RGS20: variants seen among roughly 807,000 people sequenced by gnomAD.
The protein encoded by RGS20 is regulator of G protein signaling 20, also known as gz-selective GTPase-activating protein.
RGS20 carries 30 observed loss-of-function variants against 33.6 expected under a neutral mutation model. The observed-to-expected ratio is 0.89, with a 90% CI of 0.67 to 1.21. The LOEUF (loss-of-function observed/expected upper bound fraction) is 1.21. Among genes scored for constraint, RGS20 ranks in the 50% most tolerant of loss-of-function variants. The pLI is 0.00. For synonymous variants in RGS20, 208 were observed against 197.9 expected (o/e 1.05, Z -0.43); for missense variants, 472 against 502.4 (o/e 0.94, Z 0.58).
At chr8:53,921,213 G>A (rs1015930128) in intron 2 of RGS20, among the ~76,000 whole-genome samples, 4 of 151,936 alleles carry the variant, frequency 2.6e-5, no homozygotes, top group Non-Finnish European at 5.9e-5. Flanking sequence ...GCTAGATTCC[G>A]TTTGCTAGTA....
At chr8:53,891,422 C>T (rs1812706154) in intron 2 of RGS20, among the ~76,000 whole-genome samples, 1 of 152,096 alleles carries the variant, frequency 6.6e-6, no homozygotes, top group Non-Finnish European at 1.5e-5. Flanking sequence ...ATTTCGAGAC[C>T]AGCCTGGCCA....
At chr8:53,891,134 T>C (rs527245115) in intron 2 of RGS20, among the ~76,000 whole-genome samples, 1 of 152,184 alleles carries the variant, frequency 6.6e-6, no homozygotes, top group African/African-American at 2.4e-5. Context: ...AGTCCCTTTA[T>C]GTCCACAGCT....
intron 2 of RGS20, among the ~76,000 whole-genome samples, chr8:53,938,205 T>G (rs1325821507): frequency 1.3e-5 from 2 of 152,154 alleles, no homozygotes; most frequent in Non-Finnish European, 2.9e-5. Context: ...ATGCAGCCAT[T>G]AAACAGGATG....
At chr8:53,865,053 T>C (rs117457526) in intron 1 of RGS20, among the ~76,000 whole-genome samples, 1 of 152,360 alleles carries the variant, frequency 6.6e-6, no homozygotes, top group East Asian at 1.9e-4. Flanking sequence ...GGGCCCCGCA[T>C]GGCCTGAACG....
chr8:53,904,160 T>TC (rs1162601829), intron 2 of RGS20, among the ~76,000 whole-genome samples: 4 of 151,562 alleles, frequency 2.6e-5, no homozygotes, highest in African/African-American at 9.7e-5. Flanking sequence ...TCTCACTCTG[T>TC]CACCCAGGCT....
At chr8:53,889,398 T>TTC (rs200412498) in intron 2 of RGS20, among the ~76,000 whole-genome samples, 3,940 of 124,104 alleles carry the variant, frequency 0.032, 167 homozygotes, top group South Asian at 0.053. Flanking sequence ...CTTTCTTTCT[T>TTC]TCTCTCTCTC....
At chr8:53,926,095 T>G (rs933086302) in intron 2 of RGS20, among the ~76,000 whole-genome samples, 1 of 152,134 alleles carries the variant, frequency 6.6e-6, no homozygotes, top group African/African-American at 2.4e-5. Flanking sequence ...CTGTGGTTCC[T>G]GCTACTTGGG....
intron 2 of RGS20, among the ~76,000 whole-genome samples, chr8:53,909,368 G>C (rs927209485): frequency 1.3e-4 from 20 of 150,828 alleles, no homozygotes; most frequent in Non-Finnish European, 2.8e-4. Context: ...TCCAGCCTCA[G>C]CCTCCCAAAT....
At chr8:53,935,528 A>G (rs1029499368) in intron 2 of RGS20, among the ~76,000 whole-genome samples, 3 of 152,222 alleles carry the variant, frequency 2.0e-5, no homozygotes, top group Non-Finnish European at 4.4e-5. Context: ...ATTCCTGGAC[A>G]CATACACCCT....
In RGS20 at chr8:53,868,039, T is replaced by G. The variant is rs149586455; in HGVS notation, c.166-11219T>G. The stretch of plus-strand genomic sequence containing the variant: ...GCTGGGTCATTCTTTTTATTATTTT[T>G]GTATTATTCAGAGAACTAATCAATT... On this transcript the variant is annotated intron_variant, in intron 1 of 5. Coordinates refer to ENST00000297313, the MANE Select transcript of RGS20 (RefSeq NM_170587.4). 9.5e-3 allele frequency among the ~76,000 whole-genome samples: 1,440 copies of G among 152,282 alleles called. 19 individuals carry two copies. The highest frequency in any genetic ancestry group is 0.032 in the African/African-American group (1,334 of 41,542).
At chr8:53,890,612 G>T (rs555590583) in intron 2 of RGS20, among the ~76,000 whole-genome samples, 63 of 152,296 alleles carry the variant, frequency 4.1e-4, no homozygotes, top group South Asian at 1.9e-3. Flanking sequence ...GCAGGTATTA[G>T]AATGGGTCAG....
intron 5 of RGS20, 125 bp from the exon 5 acceptor site, chr8:53,958,141 AAAAC>A (rs1814927210): frequency 4.5e-6 from 3 of 666,802 alleles, no homozygotes; most frequent in Non-Finnish European, 7.2e-6. Context: ...GTCTCAAAAC[AAAAC>A]AAACAACAAA....
chr8:53,877,379 C>G lies in RGS20; in HGVS notation c.166-1879C>G, dbSNP rs576333386. 0.01 allele frequency among the ~76,000 whole-genome samples: 1,578 copies of G among 152,296 alleles called. 15 individuals carry two copies. Among genetic ancestry groups the G allele is most frequent in the African/African-American group, 0.026 (1,099 of 41,576 alleles). The stretch of plus-strand genomic sequence containing the variant: ...AGACGCGGCCGCCGGCCCGCAGTCC[C>G]CCGCAGGTGCCGCCCAGGACTAGCT... On this transcript the variant is annotated intron_variant, in intron 1 of 5. Coordinates refer to ENST00000297313, the MANE Select transcript of RGS20 (RefSeq NM_170587.4). This position sits in a 1 kb window ranked among gnomAD's most constrained non-coding sequence, Gnocchi z 5.7.
chr8:53,933,800 T>C (rs1047777036), intron 2 of RGS20: 13 of 152,078 alleles, frequency 8.5e-5, no homozygotes, highest in African/African-American at 2.7e-4. Flanking sequence ...CCAAGACTCA[T>C]AATCATCAGA....
intron 2 of RGS20, among the ~76,000 whole-genome samples, chr8:53,938,461 A>G (rs1563418170): frequency 1.3e-5 from 2 of 152,168 alleles, no homozygotes; most frequent in Non-Finnish European, 2.9e-5. Flanking sequence ...GCAGCAAACC[A>G]CTATGGCACG....
At chr8:53,938,889 G>T (rs1814208517) in intron 2 of RGS20, among the ~76,000 whole-genome samples, 1 of 152,188 alleles carries the variant, frequency 6.6e-6, no homozygotes, top group Admixed American at 6.5e-5. Flanking sequence ...GTAGGTGAGG[G>T]TGACCATCCC....
In RGS20 at chr8:53,923,505, G is replaced by A. The variant is rs372780577; in HGVS notation, c.511-16071G>A. 3.3e-5 allele frequency among the ~76,000 whole-genome samples: 5 copies of A among 152,136 alleles called. No individual in the cohort carries two copies. The South Asian group carries it at 6.2e-4, about 19-fold the overall frequency. On this transcript the variant is annotated intron_variant, in intron 2 of 5. Transcript: ENST00000297313. ...AGCTACTTGGGGAGCTGAGGCAGGA[G>A]GATCACTTGAGCCCGGGAGGCAAAG...
intron 2 of RGS20, among the ~76,000 whole-genome samples, chr8:53,893,918 A>G (rs2129278429): frequency 6.6e-6 from 1 of 152,380 alleles, no homozygotes; most frequent in Admixed American, 6.5e-5. Context: ...AACAAATGTC[A>G]TAAACTAAAC....
At chr8:53,864,496 T>C (rs917216589) in intron 1 of RGS20, among the ~76,000 whole-genome samples, 2 of 150,976 alleles carry the variant, frequency 1.3e-5, no homozygotes, top group African/African-American at 4.9e-5. Flanking sequence ...CATCGGTGAG[T>C]CCAGCTTTCC....
Sources: gnomAD v4.1 joint callset for allele counts (sites outside exome capture counted in the v4.1 genomes callset) on GRCh38, gnomAD v4.1.1 for gene constraint, Gnocchi (gnomAD v3.1) non-coding constraint, MANE v1.5 for transcripts, NCBI Gene and HGNC (gene_info 2026-07-23, HGNC 2026-07-21) for gene names.